Variants in CEP76 observed in about 807,000 individuals in gnomAD.
CEP76 encodes the protein centrosomal protein of 76 kDa.
In CEP76, 55 loss-of-function variants were observed where a neutral mutation model predicts 83.3. The observed-to-expected ratio is 0.66, with a 90% CI of 0.53 to 0.83. The LOEUF is 0.83. Ranked by LOEUF, CEP76 falls within the 40% of genes least tolerant of loss-of-function variation. CEP76 has a pLI of 0.00. For synonymous variants in CEP76, 270 were observed against 274.5 expected (o/e 0.98, Z 0.16); for missense variants, 694 against 799.5 (o/e 0.87, Z 1.59).
At chr18:12,688,871 T>G (rs1239642123) in intron 7 of CEP76, among the ~76,000 whole-genome samples, 1 of 152,110 alleles carries the variant, frequency 6.6e-6, no homozygotes, top group East Asian at 1.9e-4. Context: ...TCCCAGCACT[T>G]TGGGAGGCCG....
intron 12 of CEP76, among the ~76,000 whole-genome samples, chr18:12,662,662 A>C (rs954294502): frequency 1.4e-4 from 21 of 152,226 alleles, no homozygotes; most frequent in Non-Finnish European, 2.5e-4. Context: ...CTATAATCCC[A>C]GCTGCTCGGA....
rs185903279 is a variant in CEP76, at chr18:12,673,807, G to T, written c.1842-304C>A. Among the ~76,000 whole-genome samples, 364 of 152,300 alleles carry T rather than the reference G, an allele frequency of 2.4e-3. 3 individuals are homozygous for T. Among genetic ancestry groups the T allele is most frequent in the Non-Finnish European group, 3.8e-3 (259 of 68,024 alleles). ...GAGGCAGGAGAATCGCTTGAATCCA[G>T]GAGGCAGAGGTTGCAGTGAGCCAAG... On this transcript the variant is annotated intron_variant, in intron 11 of 11. Transcript: ENST00000262127.
In CEP76 at chr18:12,702,469, G is replaced by T; in HGVS notation, c.63+17C>A. 1 of 1,590,958 alleles carries T rather than the reference G, an allele frequency of 6.3e-7. No individual in the cohort carries two copies. Among genetic ancestry groups the T allele is most frequent in the Non-Finnish European group, 8.6e-7 (1 of 1,163,106 alleles). ...TGGGTCGGCCCGGCGGTCTCTCCCA[G>T]CACCCGCGACTCTCACCTTGCTCAG... On this transcript the variant is annotated intron_variant, in intron 1 of 11. Coordinates refer to ENST00000262127, the MANE Select transcript of CEP76 (RefSeq NM_024899.4).
At position 12,697,360 on chromosome 18, in the gene CEP76, T is replaced by C; in HGVS notation, c.569A>G (p.Asp190Gly). The change falls in exon 5 of 12, where the codon GAT becomes GGT. Residue 190 changes from aspartate to glycine, a missense_variant. Asp to Gly is a moderately conservative substitution (Grantham distance 94, BLOSUM62 -1). Transcript: ENST00000262127. ...TTTGATTAGCACCATATGAATTGGA[T>C]CACTTATTGATAACATTGTTGTTGA... is the stretch of plus-strand genomic sequence containing the variant. ...ADSTTMLSIS[D>G]PIHMVLIKTD... 1 of 1,613,570 alleles carries C rather than the reference T, an allele frequency of 6.2e-7. No homozygotes were observed. The highest frequency in any genetic ancestry group is 2.2e-5 in the East Asian group (1 of 44,858).
chr18:12,698,652 T>C (rs941864614), intron 4 of CEP76: 1 of 208,616 alleles, frequency 4.8e-6, no homozygotes, highest in African/African-American at 2.3e-5. Flanking sequence ...TTATATTTTA[T>C]AAATGAGAAG....
At chr18:12,702,343 G>C (rs1170428135) in intron 1 of CEP76, 143 bp downstream of exon 1, 6 of 640,136 alleles carry the variant, frequency 9.4e-6, no homozygotes, top group African/African-American at 1.9e-5. Flanking sequence ...CAAACTCAAA[G>C]CTCTGCCTAC....
Position 12,674,686 on chromosome 18 carries a change from TAAG to T in CEP76, c.1688_1690del (p.Ser563del). On this transcript the variant is annotated inframe_deletion, in exon 11 of 12. Coordinates refer to ENST00000262127, the MANE Select transcript of CEP76 (RefSeq NM_024899.4). The stretch of plus-strand genomic sequence containing the variant: ...TATACTTGTTGTACGCTCAAATTCA[TAAG>T]AAGCCAAAGCTGGTGATAAAAGGTA... 6.2e-7 allele frequency: 1 copy of T among 1,614,084 alleles called. No homozygotes were observed. Among genetic ancestry groups the T allele is most frequent in the Non-Finnish European group, 8.5e-7 (1 of 1,180,022 alleles).
chr18:12,679,985 G>T (rs551189829), intron 9 of CEP76, among the ~76,000 whole-genome samples: 1 of 151,908 alleles, frequency 6.6e-6, no homozygotes, highest in East Asian at 1.9e-4. Context: ...GAACCCAGGA[G>T]GGGGAGGCTG....
chr18:12,699,121 C>G lies in CEP76; in HGVS notation c.378G>C (p.Glu126Asp). ...KAFLEHLQEPEPLPGQVCSTF... is the reference protein window; with the variant it reads ...KAFLEHLQEPDPLPGQVCSTF... ...TTGAACAAACTTGTCCAGGTAAAGGCTCAGGTTCTTGCAGATGTTCCAAGA... is the reference window on the plus strand; with the variant it reads ...TTGAACAAACTTGTCCAGGTAAAGGGTCAGGTTCTTGCAGATGTTCCAAGA... The change falls in exon 4 of 12, where the codon GAG (glutamate) becomes GAC (aspartate). Residue 126 changes from glutamate to aspartate, a missense_variant. Transcript: ENST00000262127. 2 of 1,614,120 alleles carry G rather than the reference C, an allele frequency of 1.2e-6. No homozygotes were observed. The highest frequency in any genetic ancestry group is 1.7e-6 in the Non-Finnish European group (2 of 1,180,008).
intron 5 of CEP76, 47 bp downstream of exon 5, chr18:12,697,176 G>T: frequency 1.6e-6 from 2 of 1,236,032 alleles, no homozygotes; most frequent in South Asian, 1.5e-5. Context: ...ATTTACAAAT[G>T]AACTGTGGCT....
chr18:12,681,863 G>GT (rs2039360877), intron 8 of CEP76, among the ~76,000 whole-genome samples: 2 of 151,960 alleles, frequency 1.3e-5, no homozygotes, highest in Admixed American at 1.3e-4. Context: ...GGGTATGGTG[G>GT]TGTGTGCCTG....
chr18:12,678,593 AT>A, intron 9 of CEP76, 151 bp from the exon 10 acceptor site: 1 of 583,818 alleles, frequency 1.7e-6, no homozygotes, highest in Non-Finnish European at 3.0e-6. Context: ...CCACAATTTG[AT>A]TACTCTGTAT....
intron 7 of CEP76, chr18:12,686,673 T>C (rs2039550306): frequency 2.5e-6 from 1 of 392,716 alleles, no homozygotes; most frequent in Non-Finnish European, 4.6e-6. Context: ...ACAGCTATTA[T>C]GCAACAGAGC....
intron 10 of CEP76, among the ~76,000 whole-genome samples, chr18:12,675,224 G>C (rs1198226922): frequency 6.6e-6 from 1 of 152,062 alleles, no homozygotes; most frequent in Non-Finnish European, 1.5e-5. Flanking sequence ...GTGAAACCCT[G>C]TATCTACTAA....
At chr18:12,675,959 G>A (rs146974383) in intron 10 of CEP76, among the ~76,000 whole-genome samples, 96 of 152,126 alleles carry the variant, frequency 6.3e-4, no homozygotes, top group African/African-American at 1.8e-3. Flanking sequence ...ATAAGCCACC[G>A]TGCCCAGCCC....
At position 12,673,401 on chromosome 18, in the gene CEP76, C is replaced by A; in HGVS notation, c.1944G>T (p.Trp648Cys). 6.2e-7 allele frequency: 1 copy of A among 1,606,770 alleles called. No homozygotes were observed. The highest frequency in any genetic ancestry group is 8.5e-7 in the Non-Finnish European group (1 of 1,177,526). Residue 648 changes from tryptophan to cysteine, a missense_variant, in exon 12 of 12, where the codon TGG becomes TGT. By Grantham distance (215) the Trp-to-Cys change is radical. Coordinates refer to ENST00000262127, the MANE Select transcript of CEP76 (RefSeq NM_024899.4). ...AGCGATATTTACAAGCAAACATGAT[C>A]CAAACAGCACATGCAGATTCAGGGT... Reference protein sequence around the residue: ...FTYPESACAVWIMFACKYRSV... With the variant: ...FTYPESACAVCIMFACKYRSV...
At position 12,702,696 on chromosome 18, in the gene CEP76, G is replaced by A. The variant is rs1475086344; in HGVS notation, c.-148C>T. The A allele has an allele frequency of 8.1e-6, 7 of 864,934 alleles. No individual in the cohort carries two copies. Among genetic ancestry groups the A allele is most frequent in the African/African-American group, 5.4e-5 (3 of 55,944 alleles). The allele number at this position is 864,934 out of a possible 1,614,324, so 53.6% of individuals were successfully genotyped here. On this transcript the variant is annotated 5_prime_UTR_variant, in exon 1 of 12. Transcript: ENST00000262127. The stretch of plus-strand genomic sequence containing the variant: ...CGCAGCTCCCGGGGGACGCAACGCC[G>A]CGTCAGGCCGGGGGCTGACCTGGAA...
chr18:12,701,089 C>G lies in CEP76; in HGVS notation c.88G>C (p.Glu30Gln). Residue 30 changes from glutamate (E) to glutamine (Q), a missense_variant, in exon 2 of 12, where the codon GAA becomes CAA. Transcript: ENST00000262127. ...TCCCGTATAGTCTCAGCAAGGATTT[C>G]TCTTATTCTACCATGGACATCCATC... is the stretch of plus-strand genomic sequence containing the variant. ...SKMDVHGRIR[E>Q]ILAETIREEL... is the part of the protein sequence containing the mutation. 1 of 1,612,858 alleles carries G rather than the reference C, an allele frequency of 6.2e-7. No homozygotes were observed. The highest frequency in any genetic ancestry group is 8.5e-7 in the Non-Finnish European group (1 of 1,179,386).
Position 12,699,053 on chromosome 18 carries a change from G to A in CEP76, c.446C>T (p.Ser149Phe). 6.2e-6 allele frequency: 10 copies of A among 1,614,094 alleles called. No homozygotes were observed. The highest frequency in any genetic ancestry group is 1.1e-5 in the South Asian group (1 of 91,084). Residue 149 changes from serine to phenylalanine, a missense_variant, in exon 4 of 12, where the codon TCT becomes TTT. Physicochemically the swap from Ser to Phe is radical, Grantham distance 155. Coordinates refer to ENST00000262127, the MANE Select transcript of CEP76 (RefSeq NM_024899.4). ...CLHYRNQRFR[S>F]KPVPCACEPD... ...TTCACAGGCACATGGAACAGGTTTA[G>A]AACGAAAACGTTGGTTTCGATAATG...
Sources: gnomAD v4.1 joint callset for allele counts (sites outside exome capture counted in the v4.1 genomes callset) on GRCh38, gnomAD v4.1.1 for gene constraint, MANE v1.5 for transcripts, NCBI Gene and HGNC (gene_info 2026-07-23, HGNC 2026-07-21) for gene names.